Variants in NIPAL2 observed in about 807,000 individuals in gnomAD.
NIPAL2 encodes the protein NIPA-like protein 2.
In NIPAL2, 43 loss-of-function variants were observed where a neutral mutation model predicts 48.9. The ratio of observed to expected loss-of-function variants is 0.88; its 90% confidence interval spans 0.69 to 1.13. The LOEUF (loss-of-function observed/expected upper bound fraction) is 1.13. NIPAL2 is among the 50% of genes most tolerant of loss of function. The pLI is 0.00. For synonymous variants in NIPAL2, 167 were observed against 174.6 expected (o/e 0.96, Z 0.34); for missense variants, 446 against 461.4 (o/e 0.97, Z 0.31).
Position 98,278,851 on chromosome 8 carries a change from C to T in NIPAL2, c.135+15152G>A, listed in dbSNP as rs566272554. ...CAGTGAGTAACTATTTTATAATAAC[C>T]GAGGTTTGAATATACCAAACACACA... On this transcript the variant is annotated intron_variant, in intron 1 of 10. Transcript: ENST00000430223. Among the ~76,000 whole-genome samples the T allele has an allele frequency of 2.3e-4, 35 of 152,142 alleles. No homozygotes were observed. The South Asian group carries it at 7.1e-3, about 31-fold the overall frequency.
chr8:98,264,638 A>T (rs1345366183), intron 1 of NIPAL2, among the ~76,000 whole-genome samples: 3 of 150,596 alleles, frequency 2.0e-5, no homozygotes, highest in Non-Finnish European at 4.4e-5. Flanking sequence ...AGAGGATACA[A>T]ACAAATGGAA....
At chr8:98,196,734 T>C (rs969133556) in intron 8 of NIPAL2, among the ~76,000 whole-genome samples, 1 of 152,278 alleles carries the variant, frequency 6.6e-6, no homozygotes, top group Non-Finnish European at 1.5e-5. Flanking sequence ...TAATTTTTTA[T>C]GTGTGTGGTG....
chr8:98,222,543 GTTATATT>G lies in NIPAL2; in HGVS notation c.487_493del (p.Asn163LeufsTer19). The G allele has an allele frequency of 6.2e-7, 1 of 1,613,980 alleles. No homozygotes were observed. The highest frequency in any genetic ancestry group is 8.5e-7 in the Non-Finnish European group (1 of 1,179,832). ...TACTGTTCTTGCTGAGATTGCCTGA[GTTATATT>G]TGGAGCAAAGTTCACCAGTAAATAT... On this transcript the variant is annotated frameshift_variant, in exon 5 of 11. Transcript: ENST00000430223. LOFTEE classifies it high-confidence loss of function.
chr8:98,202,027 A>G (rs1810825621), intron 8 of NIPAL2, among the ~76,000 whole-genome samples: 1 of 152,254 alleles, frequency 6.6e-6, no homozygotes, highest in Non-Finnish European at 1.5e-5. Flanking sequence ...ATGAGGGCAT[A>G]CCAGTACCAA....
At chr8:98,258,382 C>T (rs1814035491) in intron 1 of NIPAL2, among the ~76,000 whole-genome samples, 1 of 152,162 alleles carries the variant, frequency 6.6e-6, no homozygotes, top group Non-Finnish European at 1.5e-5. Context: ...TTTTATATTA[C>T]TTATATTTTA....
At chr8:98,289,447 A>G (rs1055063926) in intron 1 of NIPAL2, among the ~76,000 whole-genome samples, 2 of 152,084 alleles carry the variant, frequency 1.3e-5, no homozygotes, top group African/African-American at 2.4e-5. Context: ...TTGATTTACA[A>G]AAGTTTTGAA....
chr8:98,203,120 C>T lies in NIPAL2; in HGVS notation c.868G>A (p.Ala290Thr). The T allele has an allele frequency of 6.2e-7, 1 of 1,613,596 alleles. No individual in the cohort carries two copies. Residue 290 changes from alanine (A) to threonine (T), a missense_variant, in exon 8 of 11, where the codon GCC becomes ACC. Physicochemically the swap from Ala to Thr is moderately conservative, Grantham distance 58. Coordinates refer to ENST00000430223, the MANE Select transcript of NIPAL2 (RefSeq NM_001321635.2). ...PVNHIFFTIS[A>T]IIAGIIFYQE... is the part of the protein sequence containing the mutation. Reference sequence around the variant, plus strand: ...AACCAAAACTCACCTGCAATGATGGCACTGATTGTAAAGAAAATATGATTA... The same window carrying T: ...AACCAAAACTCACCTGCAATGATGGTACTGATTGTAAAGAAAATATGATTA...
intron 8 of NIPAL2, among the ~76,000 whole-genome samples, chr8:98,202,891 G>T (rs2130701386): frequency 6.6e-6 from 1 of 152,252 alleles, no homozygotes; most frequent in Non-Finnish European, 1.5e-5. Flanking sequence ...CAGAGAATGA[G>T]AGTGATCCAA....
intron 3 of NIPAL2, among the ~76,000 whole-genome samples, chr8:98,243,295 G>T (rs1358404247): frequency 2.0e-5 from 3 of 152,166 alleles, no homozygotes; most frequent in Non-Finnish European, 2.9e-5. Flanking sequence ...GATTCATTCT[G>T]TTCAAGGTTC....
intron 1 of NIPAL2, among the ~76,000 whole-genome samples, chr8:98,256,615 G>C (rs1252736659): frequency 7.2e-6 from 1 of 138,742 alleles, no homozygotes; most frequent in African/African-American, 2.5e-5. Flanking sequence ...TTCACATCCA[G>C]TAGGATGGCT....
At chr8:98,215,894 T>C (rs1387542488) in intron 5 of NIPAL2, among the ~76,000 whole-genome samples, 1 of 152,166 alleles carries the variant, frequency 6.6e-6, no homozygotes, top group African/African-American at 2.4e-5. Context: ...TTACTTTCAG[T>C]GGGAAAAACC....
intron 3 of NIPAL2, among the ~76,000 whole-genome samples, chr8:98,240,326 A>G (rs1033915916): frequency 7.9e-5 from 12 of 152,010 alleles, no homozygotes; most frequent in Non-Finnish European, 1.6e-4. Flanking sequence ...TTTCGGGGGG[A>G]AAACTGATGT....
chr8:98,288,683 C>T lies in NIPAL2; in HGVS notation c.135+5320G>A, dbSNP rs1219800378. Reference sequence around the variant, plus strand: ...CAGTGTAAAAGTGTTCCTATTTCTCCACATCCTCTCCAGCACCTGTTGTTT... The same window carrying T: ...CAGTGTAAAAGTGTTCCTATTTCTCTACATCCTCTCCAGCACCTGTTGTTT... On this transcript the variant is annotated intron_variant, in intron 1 of 10. Transcript: ENST00000430223. Among the ~76,000 whole-genome samples the T allele has an allele frequency of 5.9e-5, 9 of 151,646 alleles. No homozygotes were observed. The South Asian group carries it at 6.3e-4, about 11-fold the overall frequency.
chr8:98,229,660 G>A (rs1812344275), intron 4 of NIPAL2, among the ~76,000 whole-genome samples: 1 of 152,166 alleles, frequency 6.6e-6, no homozygotes, highest in African/African-American at 2.4e-5. Context: ...TTACACGTGT[G>A]AGCCACTATG....
At chr8:98,276,429 C>T (rs1204469586) in intron 1 of NIPAL2, among the ~76,000 whole-genome samples, 1 of 152,108 alleles carries the variant, frequency 6.6e-6, no homozygotes, top group Non-Finnish European at 1.5e-5. Context: ...GATAATATTC[C>T]ATTATCTGGA....
intron 8 of NIPAL2, among the ~76,000 whole-genome samples, chr8:98,196,647 A>G (rs1430261291): frequency 1.3e-5 from 2 of 152,228 alleles, no homozygotes; most frequent in Admixed American, 6.5e-5. Context: ...CTTGGTCTCA[A>G]TGATTTCTTC....
In NIPAL2 at chr8:98,191,512, GATT is replaced by G. The variant is rs1363546787; in HGVS notation, c.*1463_*1465del. The G allele has an allele frequency of 6.6e-6, 1 of 152,120 alleles. No individual in the cohort carries two copies. Among genetic ancestry groups the G allele is most frequent in the Non-Finnish European group, 1.5e-5 (1 of 68,046 alleles). 9.4% of individuals were successfully genotyped at this position (152,120 alleles called of 1,614,324 possible). ...TTTGGTCAGTCTGGCCAGGAGTGCA[GATT>G]ATGACAAAGAACAAAGCTAAAAGAC... On this transcript the variant is annotated 3_prime_UTR_variant, in exon 11 of 11. Coordinates refer to ENST00000430223, the MANE Select transcript of NIPAL2 (RefSeq NM_001321635.2).
intron 1 of NIPAL2, among the ~76,000 whole-genome samples, chr8:98,287,642 A>G (rs1418762386): frequency 6.6e-6 from 1 of 152,206 alleles, no homozygotes; most frequent in Non-Finnish European, 1.5e-5. Context: ...GGTACTTGCT[A>G]TGTGTCTGGC....
chr8:98,261,511 T>G (rs1248635939), intron 1 of NIPAL2, among the ~76,000 whole-genome samples: 1 of 142,714 alleles, frequency 7.0e-6, no homozygotes, highest in African/African-American at 2.7e-5. Flanking sequence ...TGCGATCAAC[T>G]GGAAGAAAGG....
Sources: allele counts gnomAD v4.1 joint callset (sites outside exome capture counted in the v4.1 genomes callset), GRCh38; gene constraint gnomAD v4.1.1; transcripts MANE v1.5; gene names NCBI Gene and HGNC (gene_info 2026-07-23, HGNC 2026-07-21).